Variants in HAUS4 observed in about 807,000 individuals in gnomAD.
The protein encoded by HAUS4 is HAUS augmin like complex subunit 4.
HAUS4 carries 34 observed loss-of-function variants against 50.6 expected under a neutral mutation model. The ratio of observed to expected loss-of-function variants is 0.67; its 90% CI spans 0.51 to 0.90. The LOEUF (loss-of-function observed/expected upper bound fraction) is 0.90, where lower values mean the gene tolerates loss of function less well. Among genes scored for constraint, HAUS4 ranks in the 40% least tolerant of loss-of-function variants. The pLI is 0.00. For synonymous variants in HAUS4, 149 were observed against 161.4 expected, an observed-to-expected ratio of 0.92 and a Z score of 0.58; for missense variants, 370 against 428.7, an observed-to-expected ratio of 0.86 and a Z score of 1.21.
At position 22,951,670 on chromosome 14, in the gene HAUS4, T is replaced by C. The variant is rs754994235; in HGVS notation, c.350A>G (p.Gln117Arg). ...CATCAGTTCAGTTACAAGCAGCCGCTGTTCAAGGGTCTCATGAAACTGAGA... is the reference window on the plus strand; with the variant it reads ...CATCAGTTCAGTTACAAGCAGCCGCCGTTCAAGGGTCTCATGAAACTGAGA... ...EDKKFHETLE[Q>R]RLLVTELMRL... Residue 117 changes from glutamine (Q) to arginine (R), a missense_variant, in exon 5 of 10, where the codon CAG (glutamine) becomes CGG (arginine). By Grantham distance (43) the Gln-to-Arg change is conservative. Coordinates refer to ENST00000541587, the MANE Select transcript of HAUS4 (RefSeq NM_001166269.2). 2 of 1,609,866 alleles carry C rather than the reference T, an allele frequency of 1.2e-6. No individual in the cohort carries two copies. Among genetic ancestry groups the C allele is most frequent in the Non-Finnish European group, 1.7e-6 (2 of 1,178,522 alleles).
intron 2 of HAUS4, among the ~76,000 whole-genome samples, chr14:22,954,059 C>T (rs149352366): frequency 0.016 from 2,377 of 152,220 alleles, 22 homozygotes; most frequent in Non-Finnish European, 0.025. Flanking sequence ...TGAGCCACCA[C>T]ACCTGGCCAG....
At chr14:22,955,501 C>G (rs1232031568) in intron 1 of HAUS4, 3 of 216,728 alleles carry the variant, frequency 1.4e-5, no homozygotes, top group Non-Finnish European at 2.7e-5. Context: ...ACCACCACCA[C>G]CATTATGCCA....
intron 4 of HAUS4, 42 bp downstream of exon 4, chr14:22,952,285 TG>T: frequency 1.3e-6 from 2 of 1,557,508 alleles, no homozygotes; most frequent in Non-Finnish European, 8.8e-7. Flanking sequence ...CCCAAAGTGC[TG>T]GGATTACAGG....
At position 22,946,583 on chromosome 14, in the gene HAUS4, T is replaced by C. The variant is rs1341016131; in HGVS notation, c.1034A>G (p.Lys345Arg). The C allele has an allele frequency of 6.2e-7, 1 of 1,614,030 alleles. No individual in the cohort carries two copies. The highest frequency in any genetic ancestry group is 8.5e-7 in the Non-Finnish European group (1 of 1,179,928). ...CCACCGCTTGTTCTCTGTTGCCTGC[T>C]TGAGTACGGTGTACTCTTTCACCAG... is the stretch of plus-strand genomic sequence containing the variant. ...DRLVKEYTVLKQATENKRWAL... is the reference protein window; with the variant it reads ...DRLVKEYTVLRQATENKRWAL... Residue 345 changes from lysine (K) to arginine (R), a missense_variant, in exon 10 of 10, where the codon AAG becomes AGG. By Grantham distance (26) the Lys-to-Arg change is conservative. Coordinates refer to ENST00000541587, the MANE Select transcript of HAUS4 (RefSeq NM_001166269.2).
chr14:22,948,074 A>G, intron 6 of HAUS4, 61 bp from the exon 7 acceptor site: 1 of 1,459,406 alleles, frequency 6.9e-7, no homozygotes, highest in Non-Finnish European at 9.2e-7. Context: ...CTGTAAAGCA[A>G]CCTTCCAGTG....
intron 2 of HAUS4, 139 bp from the exon 3 acceptor site, chr14:22,952,822 T>A (rs1377469936): frequency 1.4e-5 from 9 of 640,362 alleles, no homozygotes; most frequent in Middle Eastern, 3.2e-4. Context: ...TGAGATTTTT[T>A]AAAAATCCAC....
At chr14:22,948,682 C>T (rs1055014567) in intron 6 of HAUS4, among the ~76,000 whole-genome samples, 2 of 151,612 alleles carry the variant, frequency 1.3e-5, no homozygotes, top group Admixed American at 6.6e-5. Flanking sequence ...ATTACAGGCA[C>T]CCGCCACTAC....
Position 22,952,457 on chromosome 14 carries a change from T to G in HAUS4, c.201A>C (p.Ala67=). 6.2e-7 allele frequency: 1 copy of G among 1,614,078 alleles called. No individual in the cohort carries two copies. The change falls in exon 4 of 10, where the codon GCA becomes GCC. Residue 67 remains alanine (A), a splice_region_variant and synonymous_variant. Transcript: ENST00000541587. ...TCTTATGCAGTCGAACTTCCTTCCATGCCTAGAAATCCAAAAAATCTCAGG... is the reference window on the plus strand; with the variant it reads ...TCTTATGCAGTCGAACTTCCTTCCAGGCCTAGAAATCCAAAAAATCTCAGG... ...SLTLAKEQAQ[A]WKEVRLHKTT...
Position 22,947,949 on chromosome 14 carries a change from C to T in HAUS4, c.627G>A (p.Glu209=). ...VWKLAEVLVG[E]QQQCQDAKSQ... ...TCTTGGCATCCTGGCACTGCTGCTG[C>T]TCACCCACCAGGACCTCTGCGAGTT... The change falls in exon 7 of 10, where the codon GAG becomes GAA. Residue 209 remains glutamate, a synonymous_variant. Transcript: ENST00000541587. 1 of 1,614,066 alleles carries T rather than the reference C, an allele frequency of 6.2e-7. No homozygotes were observed. Among genetic ancestry groups the T allele is most frequent in the Non-Finnish European group, 8.5e-7 (1 of 1,179,976 alleles).
chr14:22,951,757 C>A, intron 4 of HAUS4, 68 bp from the exon 5 acceptor site: 1 of 1,419,344 alleles, frequency 7.0e-7, no homozygotes, highest in Non-Finnish European at 9.6e-7. Context: ...CCTCTTCCAT[C>A]CTTATGAACC....
At chr14:22,950,505 C>A in intron 5 of HAUS4, 95 bp from the exon 6 acceptor site, 1 of 679,684 alleles carries the variant, frequency 1.5e-6, no homozygotes, top group Non-Finnish European at 2.6e-6. Context: ...CAATAATAGC[C>A]AAAGAAAATG....
Position 22,947,593 on chromosome 14 carries a change from C to G in HAUS4, c.839+8G>C. The G allele has an allele frequency of 1.2e-6, 2 of 1,613,996 alleles. No homozygotes were observed. Among genetic ancestry groups the G allele is most frequent in the East Asian group, 4.5e-5 (2 of 44,880 alleles). On this transcript the variant is annotated splice_region_variant and intron_variant, in intron 8 of 9. Coordinates refer to ENST00000541587, the MANE Select transcript of HAUS4 (RefSeq NM_001166269.2). ...AATCCCTTAAGATCCACAGGGGTCACAGCTCACCTCAGCTTAAGGATCATA... is the reference window on the plus strand; with the variant it reads ...AATCCCTTAAGATCCACAGGGGTCAGAGCTCACCTCAGCTTAAGGATCATA...
At position 22,951,674 on chromosome 14, in the gene HAUS4, C is replaced by G. The variant is rs1015376239; in HGVS notation, c.346G>C (p.Glu116Gln). The G allele has an allele frequency of 1.9e-6, 3 of 1,609,580 alleles. No individual in the cohort carries two copies. The highest frequency in any genetic ancestry group is 2.5e-6 in the Non-Finnish European group (3 of 1,178,314). Residue 116 changes from glutamate (E) to glutamine (Q), a missense_variant, in exon 5 of 10, where the codon GAA (glutamate) becomes CAA (glutamine). Glu to Gln is a conservative substitution (Grantham distance 29, BLOSUM62 2). Transcript: ENST00000541587. ...SEDKKFHETL[E>Q]QRLLVTELMR... is the part of the protein sequence containing the mutation. ...AGTTCAGTTACAAGCAGCCGCTGTTCAAGGGTCTCATGAAACTGAGAGAGA... is the reference window on the plus strand; with the variant it reads ...AGTTCAGTTACAAGCAGCCGCTGTTGAAGGGTCTCATGAAACTGAGAGAGA...
intron 4 of HAUS4, among the ~76,000 whole-genome samples, chr14:22,952,009 C>G (rs961128364): frequency 6.6e-6 from 1 of 152,120 alleles, no homozygotes; most frequent in Non-Finnish European, 1.5e-5. Context: ...CCAACCCCAC[C>G]TCATTTCTTT....
rs763111107 is a variant in HAUS4 at position 22,952,533 on chromosome 14, G to C, written c.198+8C>G. On this transcript the variant is annotated splice_region_variant and intron_variant, in intron 3 of 9. Coordinates refer to ENST00000541587, the MANE Select transcript of HAUS4 (RefSeq NM_001166269.2). ...CCTTCTTCTTATCTCTTCTCCCAAA[G>C]CCCTTACCTGAGCCTGCTCCTTTGC... 1.1e-5 allele frequency: 17 copies of C among 1,612,974 alleles called. No homozygotes were observed. Among genetic ancestry groups the C allele is most frequent in the Middle Eastern group, 1.6e-4 (1 of 6,074 alleles).
intron 5 of HAUS4, 83 bp from the exon 6 acceptor site, chr14:22,950,493 C>A: frequency 1.3e-6 from 1 of 762,936 alleles, no homozygotes; most frequent in South Asian, 1.5e-5. Flanking sequence ...TGATGATAAC[C>A]TCAATAATAG....
chr14:22,947,991 C>G lies in HAUS4; in HGVS notation c.585G>C (p.Lys195Asn), dbSNP rs537611855. 2 of 1,612,456 alleles carry G rather than the reference C, an allele frequency of 1.2e-6. No homozygotes were observed. The highest frequency in any genetic ancestry group is 2.2e-5 in the South Asian group (2 of 90,884). ...PNSDADSETV[K>N]AAKVWKLAEV... ...CTGCGAGTTTCCACACCTTTGCTGC[C>G]TTCACGGTTTCACTGTCAGCATCTG... The change falls in exon 7 of 10, where the codon AAG becomes AAC. Residue 195 changes from lysine to asparagine, a missense_variant. Physicochemically the swap from Lys to Asn is moderately conservative, Grantham distance 94 (BLOSUM62 0). Transcript: ENST00000541587.
chr14:22,952,353 G>A lies in HAUS4; in HGVS notation c.305C>T (p.Thr102Ile). ...CTTTTTGTCCTCAGAAGTTACATTT[G>A]TGTCTTGTATCTTCACATAGTAGTC... is the stretch of plus-strand genomic sequence containing the variant. ...LVDYYVKIQD[T>I]NVTSEDKKFH... The change falls in exon 4 of 10, where the codon ACA (threonine) becomes ATA (isoleucine). Residue 102 changes from threonine (T) to isoleucine (I), a missense_variant. Transcript: ENST00000541587. 4 of 1,613,898 alleles carry A rather than the reference G, an allele frequency of 2.5e-6. No individual in the cohort carries two copies. The South Asian group carries it at 4.4e-5, about 18-fold the overall frequency.
At position 22,954,168 on chromosome 14, in the gene HAUS4, T is replaced by C. The variant is rs1020183445; in HGVS notation, c.55+932A>G. 2.6e-5 allele frequency among the ~76,000 whole-genome samples: 4 copies of C among 152,372 alleles called. 1 individual carries two copies. Among genetic ancestry groups the C allele is most frequent in the Non-Finnish European group, 4.4e-5 (3 of 68,038 alleles). On this transcript the variant is annotated intron_variant, in intron 2 of 9. Transcript: ENST00000541587. ...AAAAGTGTAAGAAATTGAGATCCTC[T>C]GGTTTTTCCATATGCTCAAGGAGCT...
Sources: gnomAD v4.1 joint callset for allele counts (sites outside exome capture counted in the v4.1 genomes callset) on GRCh38, gnomAD v4.1.1 for gene constraint, MANE v1.5 for transcripts, NCBI Gene and HGNC (gene_info 2026-07-23, HGNC 2026-07-21) for gene names.